Variants in LYZL2 observed in about 807,000 individuals in gnomAD.
LYZL2 encodes lysozyme-like protein 2.
Under a neutral mutation model 17.1 loss-of-function variants are expected in LYZL2, and 13 were observed. That is an observed-to-expected ratio of 0.76 (90% CI 0.49 to 1.21). The LOEUF is 1.21. LYZL2 is among the 50% of genes most tolerant of loss of function. LYZL2 has a pLI of 0.00. For missense variants in LYZL2, 166 were observed against 189.2 expected (o/e 0.88, Z 0.72); for synonymous variants, 63 against 74.4 (o/e 0.85, Z 0.79).
At chr10:30,621,786 T>C (rs1017653451) in intron 3 of LYZL2, among the ~76,000 whole-genome samples, 2 of 152,182 alleles carry the variant, frequency 1.3e-5, no homozygotes, top group Non-Finnish European at 2.9e-5. Flanking sequence ...ACGATATCAA[T>C]TAACTGTCTG....
intron 1 of LYZL2, among the ~76,000 whole-genome samples, chr10:30,627,969 C>T (rs868020825): frequency 1.3e-5 from 2 of 152,158 alleles, no homozygotes; most frequent in Non-Finnish European, 2.9e-5. Context: ...ACCATCCTGG[C>T]TAATGCGGTG....
chr10:30,628,562 C>T (rs2132955343), intron 1 of LYZL2, among the ~76,000 whole-genome samples: 1 of 152,328 alleles, frequency 6.6e-6, no homozygotes, highest in South Asian at 2.1e-4. Flanking sequence ...AACAGCCTTG[C>T]TGGGATGGGG....
intron 3 of LYZL2, among the ~76,000 whole-genome samples, chr10:30,615,781 C>T (rs1838518408): frequency 1.3e-5 from 2 of 152,140 alleles, no homozygotes; most frequent in African/African-American, 2.4e-5. Flanking sequence ...GTTCTAGCTA[C>T]ATCTCAGATA....
At chr10:30,624,115 C>A (rs981097693) in intron 3 of LYZL2, among the ~76,000 whole-genome samples, 11 of 152,094 alleles carry the variant, frequency 7.2e-5, no homozygotes, top group Non-Finnish European at 1.6e-4. Flanking sequence ...AGAGAGGGTG[C>A]ATGGGAGCTG....
At position 30,611,862 on chromosome 10, in the gene LYZL2, T is replaced by C. The variant is rs1351776374; in HGVS notation, c.*93A>G. On this transcript the variant is annotated 3_prime_UTR_variant, in exon 5 of 5. Transcript: ENST00000647634. ...CCCTCTCCAAGTTTGAGAAGGAATA[T>C]TGGGAGGAAACGGGACAAGATGACA... The C allele has an allele frequency of 1.0e-5, 16 of 1,597,260 alleles. No individual in the cohort carries two copies. The highest frequency in any genetic ancestry group is 3.4e-5 in the South Asian group (3 of 87,686).
intron 3 of LYZL2, among the ~76,000 whole-genome samples, chr10:30,622,337 G>A (rs1003524166): frequency 3.3e-5 from 5 of 152,090 alleles, no homozygotes; most frequent in Non-Finnish European, 7.4e-5. Context: ...ACAAGGTCAG[G>A]AGATCGAGAC....
chr10:30,610,150 A>C (rs1214174051), downstream of LYZL2, among the ~76,000 whole-genome samples: 1 of 152,194 alleles, frequency 6.6e-6, no homozygotes. Flanking sequence ...AACAAATCTC[A>C]TAATATTTTA....
At chr10:30,629,416 A>C (rs1412473230) in intron 1 of LYZL2, among the ~76,000 whole-genome samples, 177 bp downstream of exon 1, 1 of 151,708 alleles carries the variant, frequency 6.6e-6, no homozygotes, top group East Asian at 1.9e-4. Flanking sequence ...AAAGATGCAG[A>C]GCTTACAAAT....
At chr10:30,607,352 T>G (rs1838389234), downstream of LYZL2, among the ~76,000 whole-genome samples, 1 of 152,028 alleles carries the variant, frequency 6.6e-6, no homozygotes, top group Non-Finnish European at 1.5e-5. Flanking sequence ...TTGGGTTACA[T>G]CAGCAAAGGA....
At chr10:30,623,455 G>A (rs541300400) in intron 3 of LYZL2, among the ~76,000 whole-genome samples, 1 of 152,276 alleles carries the variant, frequency 6.6e-6, no homozygotes, top group African/African-American at 2.4e-5. Flanking sequence ...AGCAGGAGGT[G>A]AGCAGCAGGT....
the LYZL2 span, among the ~76,000 whole-genome samples, chr10:30,606,691 T>A: frequency 6.6e-6 from 1 of 152,076 alleles, no homozygotes; most frequent in African/African-American, 2.4e-5. Flanking sequence ...TCAGAGGAGG[T>A]GGGCTTAACT....
chr10:30,628,537 G>A (rs1172822602), intron 1 of LYZL2, among the ~76,000 whole-genome samples: 5 of 152,182 alleles, frequency 3.3e-5, no homozygotes, highest in Non-Finnish European at 5.9e-5. Context: ...TTAAAATAAT[G>A]TCTTCCCCAA....
chr10:30,627,551 C>T (rs1838734030), intron 1 of LYZL2, among the ~76,000 whole-genome samples: 1 of 152,012 alleles, frequency 6.6e-6, no homozygotes, highest in African/African-American at 2.4e-5. Flanking sequence ...GTAAATATAT[C>T]TTCTCTTCCT....
chr10:30,616,643 A>G (rs144428973), intron 3 of LYZL2, among the ~76,000 whole-genome samples: 105 of 152,372 alleles, frequency 6.9e-4, no homozygotes, highest in African/African-American at 2.2e-3. Flanking sequence ...TGTCAGGCAC[A>G]TGTTAAATCT....
At chr10:30,609,407 G>C (rs1838408694), downstream of LYZL2, among the ~76,000 whole-genome samples, 1 of 152,192 alleles carries the variant, frequency 6.6e-6, no homozygotes, top group Admixed American at 6.5e-5. Flanking sequence ...CCAAGTTTGG[G>C]AAAAACCAGG....
chr10:30,612,729 G>T, intron 4 of LYZL2, 93 bp downstream of exon 4: 5 of 938,122 alleles, frequency 5.3e-6, no homozygotes, highest in African/African-American at 1.6e-5. Context: ...CCACTCTGCG[G>T]AGGTGAGTTT....
chr10:30,611,985 G>A lies in LYZL2; in HGVS notation c.417C>T (p.Ser139=), dbSNP rs779353298. The change falls in exon 5 of 5, where the codon TCC becomes TCT. Residue 139 remains serine (S), a synonymous_variant. Transcript: ENST00000647634. ...WKKHCEGRDL[S]DWKKDCEVS is the part of the protein sequence containing the mutation. ...AAACCTCACAGTCTTTTTTCCAGTC[G>A]GACAGGTCTCTCCCCTCACAGTGTT... 3.7e-6 allele frequency: 6 copies of A among 1,613,930 alleles called. No individual in the cohort carries two copies. Among genetic ancestry groups the A allele is most frequent in the East Asian group, 4.5e-5 (2 of 44,892 alleles).
At chr10:30,625,925 G>A (rs1838694446) in intron 3 of LYZL2, among the ~76,000 whole-genome samples, 180 bp downstream of exon 3, 1 of 152,222 alleles carries the variant, frequency 6.6e-6, no homozygotes, top group Non-Finnish European at 1.5e-5. Context: ...CTTTGGACAA[G>A]TCAGCCGCAG....
downstream of LYZL2, among the ~76,000 whole-genome samples, chr10:30,609,115 A>T (rs564316073): frequency 6.6e-6 from 1 of 152,336 alleles, no homozygotes; most frequent in East Asian, 1.9e-4. Flanking sequence ...TTAGGATTAC[A>T]GGCTTGAGTC....
Sources: gnomAD v4.1 joint callset for allele counts (sites outside exome capture counted in the v4.1 genomes callset) on GRCh38, gnomAD v4.1.1 for gene constraint, MANE v1.5 for transcripts, NCBI Gene and HGNC (gene_info 2026-07-23, HGNC 2026-07-21) for gene names.